Variants in HACD2 observed in about 807,000 individuals in gnomAD.
The protein encoded by HACD2 is very-long-chain (3R)-3-hydroxyacyl-CoA dehydratase 2.
A neutral mutation model predicts 31.0 loss-of-function variants in HACD2; 15 were observed. The ratio of observed to expected loss-of-function variants is 0.48; its 90% CI spans 0.32 to 0.75. The LOEUF (loss-of-function observed/expected upper bound fraction) is 0.75. HACD2 is among the 30% of genes least tolerant of loss of function. HACD2 has a pLI of 0.03. For missense variants in HACD2, 283 were observed against 313.0 expected (o/e 0.90, Z 0.72); for synonymous variants, 115 against 122.2 (o/e 0.94, Z 0.39).
Position 123,582,260 on chromosome 3 carries a change from A to G in HACD2, c.225T>C (p.Tyr75=), listed in dbSNP as rs1010864939. The G allele has an allele frequency of 6.2e-7, 1 of 1,609,162 alleles. No individual in the cohort carries two copies. The highest frequency in any genetic ancestry group is 8.5e-7 in the Non-Finnish European group (1 of 1,177,704). ...LAKGSYHSLY[Y]SIEKPLKFFQ... Reference sequence around the variant, plus strand: ...AGAATTTCAAAGGCTTTTCAATTGAATAATAAAGGCTATGGTAGCTACCCT... The same window carrying G: ...AGAATTTCAAAGGCTTTTCAATTGAGTAATAAAGGCTATGGTAGCTACCCT... The change falls in exon 2 of 7, where the codon TAT becomes TAC. Residue 75 remains tyrosine (Y), a synonymous_variant. Coordinates refer to ENST00000383657, the MANE Select transcript of HACD2 (RefSeq NM_198402.5).
chr3:123,537,792 A>C (rs2056444587), intron 3 of HACD2, among the ~76,000 whole-genome samples: 2 of 152,132 alleles, frequency 1.3e-5, no homozygotes. Flanking sequence ...AGCCCTATTG[A>C]TAGAATTTAG....
chr3:123,520,850 A>T (rs955490718), intron 4 of HACD2, among the ~76,000 whole-genome samples: 2 of 152,198 alleles, frequency 1.3e-5, no homozygotes, highest in African/African-American at 4.8e-5. Context: ...CTGATCACAT[A>T]TAACTAAAGT....
intron 6 of HACD2, among the ~76,000 whole-genome samples, chr3:123,500,181 G>A (rs2107679531): frequency 6.6e-6 from 1 of 152,266 alleles, no homozygotes; most frequent in Non-Finnish European, 1.5e-5. Context: ...TTAAGACACA[G>A]AAAACTACAA....
In HACD2 at chr3:123,582,314, C is replaced by T. The variant is rs375110646; in HGVS notation, c.171G>A (p.Ala57=). ...VVMTAGWLVI[A]VGLVRAYLAK... ...CCAGGTATGCTCGGACCAGACCAAC[C>T]GCTATAACCAGCCACCTAGTAAAAG... The change falls in exon 2 of 7, where the codon GCG becomes GCA. Residue 57 remains alanine, a synonymous_variant. Coordinates refer to ENST00000383657, the MANE Select transcript of HACD2 (RefSeq NM_198402.5). 69 of 1,579,688 alleles carry T rather than the reference C, an allele frequency of 4.4e-5. No individual in the cohort carries two copies. The highest frequency in any genetic ancestry group is 6.9e-5 in the African/African-American group (5 of 72,734).
intron 2 of HACD2, among the ~76,000 whole-genome samples, chr3:123,571,236 T>C (rs2056852932): frequency 6.6e-6 from 1 of 152,170 alleles, no homozygotes; most frequent in Admixed American, 6.5e-5. Context: ...CCAATGATGG[T>C]GGTAGGGCAG....
At chr3:123,563,873 G>A (rs978752512) in intron 3 of HACD2, among the ~76,000 whole-genome samples, 2 of 152,212 alleles carry the variant, frequency 1.3e-5, no homozygotes, top group Non-Finnish European at 2.9e-5. Context: ...AATACAGTAA[G>A]TATTTAAGAA....
At chr3:123,558,821 T>C (rs928253019) in intron 3 of HACD2, among the ~76,000 whole-genome samples, 1 of 152,222 alleles carries the variant, frequency 6.6e-6, no homozygotes, top group Admixed American at 6.5e-5. Flanking sequence ...TTACTCAACT[T>C]GGTAACTACT....
At chr3:123,525,212 T>C (rs1469230292) in intron 4 of HACD2, among the ~76,000 whole-genome samples, 2 of 152,190 alleles carry the variant, frequency 1.3e-5, no homozygotes, top group Non-Finnish European at 2.9e-5. Flanking sequence ...TTCATTTATA[T>C]GGTCTCTTGG....
At chr3:123,510,780 A>G (rs1029010245) in intron 4 of HACD2, among the ~76,000 whole-genome samples, 2 of 152,184 alleles carry the variant, frequency 1.3e-5, no homozygotes, top group Non-Finnish European at 2.9e-5. Flanking sequence ...GTATATTCTT[A>G]GTAGTGGAGT....
chr3:123,550,974 T>C (rs2056613762), intron 3 of HACD2, among the ~76,000 whole-genome samples: 1 of 152,158 alleles, frequency 6.6e-6, no homozygotes, highest in Non-Finnish European at 1.5e-5. Flanking sequence ...GGATGAGAGC[T>C]GGGAGAGAGA....
At chr3:123,524,061 G>A (rs1484446642) in intron 4 of HACD2, among the ~76,000 whole-genome samples, 1 of 152,188 alleles carries the variant, frequency 6.6e-6, no homozygotes, top group Non-Finnish European at 1.5e-5. Context: ...CATTCTTCAA[G>A]AATGAAACAA....
At chr3:123,505,459 C>G (rs952619667) in intron 4 of HACD2, among the ~76,000 whole-genome samples, 6 of 152,198 alleles carry the variant, frequency 3.9e-5, no homozygotes, top group African/African-American at 1.4e-4. Flanking sequence ...CCCAAACCCA[C>G]AGTAACATAA....
chr3:123,553,224 T>G (rs2056638602), intron 3 of HACD2, among the ~76,000 whole-genome samples: 1 of 152,048 alleles, frequency 6.6e-6, no homozygotes. Context: ...GAGAAAGATC[T>G]CAGAGTTTTA....
At chr3:123,498,809 T>A (rs2055867904) in intron 6 of HACD2, among the ~76,000 whole-genome samples, 1 of 152,064 alleles carries the variant, frequency 6.6e-6, no homozygotes, top group Admixed American at 6.5e-5. Context: ...CAGGAGTGGG[T>A]TTCCCTCAGG....
intron 2 of HACD2, among the ~76,000 whole-genome samples, chr3:123,572,133 C>T (rs1213433293): frequency 6.6e-6 from 1 of 152,032 alleles, no homozygotes; most frequent in Non-Finnish European, 1.5e-5. Context: ...TTGAGGTCCA[C>T]CAAGAATCAC....
chr3:123,499,594 C>T (rs752846565), intron 6 of HACD2: 8 of 455,192 alleles, frequency 1.8e-5, no homozygotes, highest in African/African-American at 6.0e-5. Context: ...TGATTCATTC[C>T]GATGATGCCA....
chr3:123,546,189 T>C (rs899261347), intron 3 of HACD2, among the ~76,000 whole-genome samples: 3 of 152,222 alleles, frequency 2.0e-5, no homozygotes, highest in Non-Finnish European at 4.4e-5. Flanking sequence ...TTTTTGCTTC[T>C]GGATTCCAAC....
At chr3:123,505,439 T>C (rs972658954) in intron 4 of HACD2, among the ~76,000 whole-genome samples, 1 of 151,988 alleles carries the variant, frequency 6.6e-6, no homozygotes, top group Non-Finnish European at 1.5e-5. Flanking sequence ...AAAAAATAAA[T>C]GAAAAAACCC....
chr3:123,499,471 C>A, intron 6 of HACD2: 1 of 364,430 alleles, frequency 2.7e-6, no homozygotes. Context: ...AGAACTGTAT[C>A]CAAGAATTTC....
Sources: gnomAD v4.1 joint callset for allele counts (sites outside exome capture counted in the v4.1 genomes callset) on GRCh38, gnomAD v4.1.1 for gene constraint, MANE v1.5 for transcripts, NCBI Gene and HGNC (gene_info 2026-07-23, HGNC 2026-07-21) for gene names.